GGNBP2: variants seen among roughly 807,000 people sequenced by gnomAD.
GGNBP2 encodes the protein gametogenetin binding protein 2, also known as gametogenetin-binding protein 2.
Under a neutral mutation model 85.9 loss-of-function variants are expected in GGNBP2, and 10 were observed. The ratio of observed to expected loss-of-function variants is 0.12; its 90% confidence interval spans 0.07 to 0.20. The LOEUF (loss-of-function observed/expected upper bound fraction) is 0.20, where lower values mean the gene tolerates loss of function less well. Among genes scored for constraint, GGNBP2 ranks in the 10% least tolerant of loss-of-function variants. The pLI is 1.00. For synonymous variants in GGNBP2, 287 were observed against 285.7 expected, an observed-to-expected ratio of 1.00 and a Z score of -0.05; for missense variants, 595 against 857.8, an observed-to-expected ratio of 0.69 and a Z score of 3.83.
chr17:36,546,700 CTT>C lies in GGNBP2; in HGVS notation c.93+886_93+887del, dbSNP rs201120546. The C allele has an allele frequency of 3.0e-4, 46 of 152,302 alleles. No individual in the cohort carries two copies. In the East Asian group the frequency reaches 7.7e-3, roughly 26 times the overall value. 9.4% of individuals were successfully genotyped at this position (152,302 alleles called of 1,614,324 possible). The stretch of plus-strand genomic sequence containing the variant: ...AATGAAATTAACCTTTTCCGAATAT[CTT>C]TTGAAATCTGCGTTTTGATGATGCT... On this transcript the variant is annotated intron_variant, in intron 2 of 13. Transcript: ENST00000613102.
Position 36,579,063 on chromosome 17 carries a change from G to A in GGNBP2, c.846-182G>A, listed in dbSNP as rs1213957420. 2.7e-5 allele frequency: 15 copies of A among 564,688 alleles called. No homozygotes were observed. The East Asian group carries it at 3.4e-4, about 13-fold the overall frequency. The allele number at this position is 564,688 out of a possible 1,614,324, so 35.0% of individuals were successfully genotyped here. A position where few individuals can be genotyped will look rare whatever the true frequency, so the allele number is the denominator to read the frequency against. ...TACGAGGACTAAATTCTACTTGCAT[G>A]TGTATTTCTCATTGGTTGTGGACAT... On this transcript the variant is annotated intron_variant, in intron 7 of 13. Coordinates refer to ENST00000613102, the MANE Select transcript of GGNBP2 (RefSeq NM_024835.5).
At chr17:36,569,313 G>A (rs1199386659) in intron 6 of GGNBP2, among the ~76,000 whole-genome samples, 4 of 152,186 alleles carry the variant, frequency 2.6e-5, no homozygotes, top group Non-Finnish European at 5.9e-5. Flanking sequence ...TTGGGAGACT[G>A]AGGCAGGTGA....
intron 8 of GGNBP2, among the ~76,000 whole-genome samples, 182 bp downstream of exon 8, chr17:36,579,601 G>T (rs1434079901): frequency 6.6e-6 from 1 of 152,186 alleles, no homozygotes; most frequent in Non-Finnish European, 1.5e-5. Flanking sequence ...CTGGGATTTA[G>T]AAGAAGTTGA....
Position 36,575,175 on chromosome 17 carries a change from C to A in GGNBP2, c.642-2808C>A, listed in dbSNP as rs534497730. ...GTGATAGGCATCCACTCTTTATCCT[C>A]GGCCTTGCCTCCATGAGCTCTGCGG... is the stretch of plus-strand genomic sequence containing the variant. On this transcript the variant is annotated intron_variant, in intron 6 of 13. Coordinates refer to ENST00000613102, the MANE Select transcript of GGNBP2 (RefSeq NM_024835.5). 7.8e-5 allele frequency: 51 copies of A among 652,750 alleles called. No individual in the cohort carries two copies. The Middle Eastern group carries it at 1.2e-3, about 16-fold the overall frequency. 40.4% of individuals were successfully genotyped at this position (652,750 alleles called of 1,614,324 possible).
chr17:36,560,156 CTA>C (rs1472334881), intron 4 of GGNBP2, among the ~76,000 whole-genome samples: 1 of 152,020 alleles, frequency 6.6e-6, no homozygotes, highest in African/African-American at 2.4e-5. Context: ...GAAAATTTTG[CTA>C]TGTTACCCAG....
chr17:36,550,982 GC>G (rs2074303055), intron 2 of GGNBP2, among the ~76,000 whole-genome samples: 1 of 152,174 alleles, frequency 6.6e-6, no homozygotes, highest in Non-Finnish European at 1.5e-5. Context: ...AAGGTAAAAA[GC>G]CATTGTCCTA....
In GGNBP2 at chr17:36,581,551, A is replaced by C. The variant is rs778820756; in HGVS notation, c.1215+13A>C. ...AAGCCAAGAGAAGGTAATATTTCTT[A>C]ATATCAACTCTTAAGTGTGTATGTA... On this transcript the variant is annotated intron_variant, in intron 9 of 13. Coordinates refer to ENST00000613102, the MANE Select transcript of GGNBP2 (RefSeq NM_024835.5). 18 of 1,577,506 alleles carry C rather than the reference A, an allele frequency of 1.1e-5. No homozygotes were observed. The highest frequency in any genetic ancestry group is 1.6e-5 in the Non-Finnish European group (18 of 1,150,984).
At chr17:36,553,868 A>G (rs752336310) in intron 2 of GGNBP2, among the ~76,000 whole-genome samples, 2 of 152,194 alleles carry the variant, frequency 1.3e-5, no homozygotes, top group African/African-American at 2.4e-5. Context: ...TGGTGTGACA[A>G]CAGATCAGTA....
rs781076142 is a variant in GGNBP2 at position 36,589,171 on chromosome 17, C to CT, written c.1891-35dup. Reference sequence around the variant, plus strand: ...CCTCCATTACATAACATTTTGCATTCTTAAGTCATAGTCTTAACTACTGCT... The same window carrying CT: ...CCTCCATTACATAACATTTTGCATTCTTTAAGTCATAGTCTTAACTACTGCT... On this transcript the variant is annotated intron_variant, in intron 13 of 13. Transcript: ENST00000613102. 59 of 1,468,492 alleles carry CT rather than the reference C, an allele frequency of 4.0e-5. No homozygotes were observed. In the African/African-American group the frequency reaches 7.6e-4, roughly 19 times the overall value. 91.0% of individuals were successfully genotyped at this position (1,468,492 alleles called of 1,614,324 possible). A position where few individuals can be genotyped will look rare whatever the true frequency, so the allele number is the denominator to read the frequency against.
At chr17:36,559,521 G>A (rs531506150) in intron 4 of GGNBP2, among the ~76,000 whole-genome samples, 2 of 152,226 alleles carry the variant, frequency 1.3e-5, no homozygotes, top group South Asian at 4.2e-4. Flanking sequence ...AAGTAAACCC[G>A]AGGCTTTCCT....
chr17:36,588,188 G>A (rs914085764), intron 13 of GGNBP2, among the ~76,000 whole-genome samples: 2 of 152,220 alleles, frequency 1.3e-5, no homozygotes, highest in African/African-American at 4.8e-5. Context: ...CTTGGAGGAG[G>A]GGAGGAAGAA....
intron 5 of GGNBP2, among the ~76,000 whole-genome samples, chr17:36,563,820 T>C (rs1487139559): frequency 2.0e-5 from 3 of 151,510 alleles, no homozygotes; most frequent in African/African-American, 4.9e-5. Context: ...CTCGGCTCAC[T>C]GCAACCTCTG....
intron 4 of GGNBP2, among the ~76,000 whole-genome samples, chr17:36,559,803 G>A (rs886355163): frequency 6.6e-6 from 1 of 151,986 alleles, no homozygotes; most frequent in African/African-American, 2.4e-5. Context: ...TCTGATTCTA[G>A]ATTGGTTAAT....
intron 9 of GGNBP2, among the ~76,000 whole-genome samples, chr17:36,584,329 C>G (rs2074679610): frequency 6.6e-6 from 1 of 152,178 alleles, no homozygotes; most frequent in Non-Finnish European, 1.5e-5. Flanking sequence ...AGCATACTTC[C>G]CATTTGTCAC....
chr17:36,557,062 C>G (rs1297411919), intron 3 of GGNBP2, 21 bp from the exon 4 acceptor site: 5 of 1,613,276 alleles, frequency 3.1e-6, no homozygotes, highest in Non-Finnish European at 4.2e-6. Context: ...GACACTCTTT[C>G]ATTTTCTTTC....
At position 36,586,307 on chromosome 17, in the gene GGNBP2, G is replaced by A. The variant is rs1458521893; in HGVS notation, c.1641+109G>A. On this transcript the variant is annotated intron_variant, in intron 12 of 13. Coordinates refer to ENST00000613102, the MANE Select transcript of GGNBP2 (RefSeq NM_024835.5). ...TAGCTGCTAGGATTTACTTTTTTTA[G>A]AATGAGTTCTTTATGCAGTTCCATT... 6 of 1,387,408 alleles carry A rather than the reference G, an allele frequency of 4.3e-6. No individual in the cohort carries two copies. The Admixed American group carries it at 7.9e-5, about 18-fold the overall frequency. 85.9% of individuals were successfully genotyped at this position (1,387,408 alleles called of 1,614,324 possible).
At chr17:36,549,058 G>A (rs1244837318) in intron 2 of GGNBP2, among the ~76,000 whole-genome samples, 1 of 152,194 alleles carries the variant, frequency 6.6e-6, no homozygotes, top group Admixed American at 6.5e-5. Context: ...TGATGTAGGT[G>A]TACTTGAGAA....
At chr17:36,545,554 G>A (rs1567813471) in intron 1 of GGNBP2, 65 bp from the exon 2 acceptor site, 1 of 583,328 alleles carries the variant, frequency 1.7e-6, no homozygotes, top group Non-Finnish European at 3.1e-6. Flanking sequence ...TCCGCTCCCT[G>A]CCCCCCGTGG....
chr17:36,556,152 C>T (rs1265842733), intron 3 of GGNBP2, among the ~76,000 whole-genome samples: 1 of 152,188 alleles, frequency 6.6e-6, no homozygotes, highest in Non-Finnish European at 1.5e-5. Flanking sequence ...CTAGAGTTTG[C>T]TCATTTCTCT....
Sources: allele counts gnomAD v4.1 joint callset (sites outside exome capture counted in the v4.1 genomes callset), GRCh38; gene constraint gnomAD v4.1.1; transcripts MANE v1.5; gene names NCBI Gene and HGNC (gene_info 2026-07-23, HGNC 2026-07-21).